ANKRD60: variants seen among roughly 807,000 people sequenced by gnomAD.
The protein encoded by ANKRD60 is ankyrin repeat domain 60, also known as ankyrin repeat domain-containing protein 60.
ANKRD60 carries 24 observed loss-of-function variants against 21.3 expected under a neutral mutation model. That is an observed-to-expected ratio of 1.13 (90% confidence interval 0.82 to 1.59). The LOEUF (loss-of-function observed/expected upper bound fraction) is 1.59. Among genes scored for constraint, ANKRD60 ranks in the 40% most tolerant of loss-of-function variants. ANKRD60 has a pLI of 0.00. For missense variants in ANKRD60, 490 were observed against 466.7 expected (o/e 1.05, Z -0.46); for synonymous variants, 182 against 199.4 (o/e 0.91, Z 0.74).
chr20:58,218,944 TC>T, intron 3 of ANKRD60, 139 bp from the exon 4 acceptor site: 1 of 730,286 alleles, frequency 1.4e-6, no homozygotes, highest in Non-Finnish European at 2.2e-6. Flanking sequence ...CCCAGTCCAC[TC>T]CCCTGGCAGC....
chr20:58,222,514 C>G (rs1023641777), intron 2 of ANKRD60, among the ~76,000 whole-genome samples: 2 of 152,228 alleles, frequency 1.3e-5, no homozygotes, highest in Non-Finnish European at 2.9e-5. Context: ...AGTGATTCAT[C>G]TTCCCTGTTG....
intron 3 of ANKRD60, 92 bp downstream of exon 3, chr20:58,221,246 T>A (rs1984245366): frequency 7.3e-7 from 1 of 1,363,196 alleles, no homozygotes; most frequent in Non-Finnish European, 9.9e-7. Context: ...AGGAAACCAC[T>A]GCTGGAAGGA....
chr20:58,222,988 T>C (rs958651220), intron 2 of ANKRD60, 64 bp downstream of exon 2: 2 of 1,487,292 alleles, frequency 1.3e-6, no homozygotes, highest in Admixed American at 2.4e-5. Flanking sequence ...AAGACTAATT[T>C]TCCCCCCACA....
intron 2 of ANKRD60, among the ~76,000 whole-genome samples, chr20:58,222,446 A>G (rs75194461): frequency 2.6e-5 from 4 of 152,354 alleles, no homozygotes; most frequent in Non-Finnish European, 5.9e-5. Context: ...CCAGGAGCAC[A>G]TAGCTTTCCA....
downstream of ANKRD60, chr20:58,218,480 C>T (rs1011337708): frequency 9.7e-6 from 15 of 1,540,870 alleles, no homozygotes; most frequent in African/African-American, 2.7e-5. Flanking sequence ...AGCGGGCAAA[C>T]GTTCCCACCA....
downstream of ANKRD60, among the ~76,000 whole-genome samples, chr20:58,217,007 C>G (rs1194223550): frequency 2.0e-5 from 3 of 152,214 alleles, no homozygotes; most frequent in Admixed American, 6.5e-5. Context: ...TTGGTTGTTT[C>G]TATCACGTTT....
rs753380039 is a variant in ANKRD60, at chr20:58,228,279, C to T, written c.375G>A (p.Leu125=). ...TGAAGGGGATGCCGACCATCAGGTC[C>T]AGCTCCTCTTTGAGCTCCCGCACGG... is the stretch of plus-strand genomic sequence containing the variant. The change falls in exon 1 of 4, where the codon CTG becomes CTA. Residue 125 remains leucine, a synonymous_variant. Transcript: ENST00000457363. This position sits in a 1 kb window ranked among gnomAD's most constrained non-coding sequence, Gnocchi z 5.3. 18 of 1,551,356 alleles carry T rather than the reference C, an allele frequency of 1.2e-5. No individual in the cohort carries two copies. Among genetic ancestry groups the T allele is most frequent in the Non-Finnish European group, 1.6e-5 (18 of 1,146,898 alleles).
At chr20:58,216,583 T>C (rs1984140958), downstream of ANKRD60, among the ~76,000 whole-genome samples, 1 of 152,228 alleles carries the variant, frequency 6.6e-6, no homozygotes, top group Non-Finnish European at 1.5e-5. Flanking sequence ...AAGATCTCAG[T>C]TTTGACATAG....
chr20:58,223,121 T>C, exon 2 of ANKRD60: 1 of 1,551,760 alleles, frequency 6.4e-7, no homozygotes. Flanking sequence ...AGATACATAA[T>C]GAAATAATCC....
intron 3 of ANKRD60, among the ~76,000 whole-genome samples, chr20:58,219,322 T>C (rs1348787948): frequency 1.3e-5 from 2 of 152,238 alleles, no homozygotes; most frequent in East Asian, 1.9e-4. Flanking sequence ...GTAAGCTCAA[T>C]AGACACTCTA....
At chr20:58,223,982 G>C (rs779619312) in intron 1 of ANKRD60, among the ~76,000 whole-genome samples, 4 of 152,048 alleles carry the variant, frequency 2.6e-5, no homozygotes, top group African/African-American at 4.8e-5. Context: ...CACACCTGTG[G>C]TCCCAGCTAC....
At chr20:58,222,011 G>T (rs554175419) in intron 2 of ANKRD60, among the ~76,000 whole-genome samples, 42 of 152,292 alleles carry the variant, frequency 2.8e-4, no homozygotes, top group African/African-American at 9.9e-4. Flanking sequence ...CTTTGAGCCT[G>T]GGAGGAAGGC....
intron 3 of ANKRD60, among the ~76,000 whole-genome samples, chr20:58,220,279 A>G (rs1455131412): frequency 2.0e-5 from 3 of 152,026 alleles, no homozygotes; most frequent in African/African-American, 7.2e-5. Context: ...GCTGTTCTCC[A>G]TTGTTCTTGA....
chr20:58,221,193 G>T, intron 3 of ANKRD60, 145 bp downstream of exon 3: 1 of 839,530 alleles, frequency 1.2e-6, no homozygotes, highest in Non-Finnish European at 1.8e-6. Flanking sequence ...GGAGTGAGTG[G>T]CACCATGGGG....
chr20:58,218,831 A>G (rs1208896247), intron 3 of ANKRD60, 26 bp from the exon 4 acceptor site: 7 of 1,510,982 alleles, frequency 4.6e-6, no homozygotes, highest in South Asian at 3.9e-5. Flanking sequence ...ATTGGCCAGA[A>G]GGAAGACATG....
intron 1 of ANKRD60, among the ~76,000 whole-genome samples, chr20:58,227,897 G>C (rs1242068478): frequency 6.6e-6 from 1 of 152,134 alleles, no homozygotes; most frequent in African/African-American, 2.4e-5. Flanking sequence ...GCTTCTGGGG[G>C]GTCCTGGCTT....
intron 3 of ANKRD60, among the ~76,000 whole-genome samples, chr20:58,220,489 C>CAGAGAGAGAGAGAG (rs11469843): frequency 1.1e-3 from 152 of 144,364 alleles, no homozygotes; most frequent in South Asian, 1.6e-3. Flanking sequence ...TCAAGAGAGC[C>CAGAGAGAGAGAGAG]AGAGAGAGAG....
chr20:58,228,471 G>T lies in ANKRD60; in HGVS notation c.183C>A (p.Leu61=). The change falls in exon 1 of 4, where the codon CTC becomes CTA. Residue 61 remains leucine, a synonymous_variant. Transcript: ENST00000457363. This position sits in a 1 kb window ranked among gnomAD's most constrained non-coding sequence, Gnocchi z 5.3. ...GGGCACAGGCCAGGGGCTGCGCGGG[G>T]AGGGCCCGCGAGTCCGCCGAGCCCA... The T allele has an allele frequency of 6.6e-7, 1 of 1,514,722 alleles. No homozygotes were observed. Among genetic ancestry groups the T allele is most frequent in the Non-Finnish European group, 8.8e-7 (1 of 1,137,320 alleles). 93.8% of individuals were successfully genotyped at this position (1,514,722 alleles called of 1,614,324 possible). A position where few individuals can be genotyped will look rare whatever the true frequency, so the allele number is the denominator to read the frequency against.
intron 1 of ANKRD60, among the ~76,000 whole-genome samples, chr20:58,223,643 A>G (rs1600684387): frequency 6.6e-6 from 1 of 152,216 alleles, no homozygotes; most frequent in African/African-American, 2.4e-5. Context: ...AAAATGTTGG[A>G]TCTTTCAAAT....
Sources: gnomAD v4.1 joint callset for allele counts (sites outside exome capture counted in the v4.1 genomes callset) on GRCh38, gnomAD v4.1.1 for gene constraint, Gnocchi (gnomAD v3.1) non-coding constraint, MANE v1.5 for transcripts, NCBI Gene and HGNC (gene_info 2026-07-23, HGNC 2026-07-21) for gene names.